EVL: variants seen among roughly 807,000 people sequenced by gnomAD.
EVL encodes ena/VASP-like protein.
In EVL, 21 loss-of-function variants were observed where a neutral mutation model predicts 59.6. The observed-to-expected ratio is 0.35, with a 90% CI of 0.25 to 0.51. The LOEUF (loss-of-function observed/expected upper bound fraction) is 0.51, where lower values mean the gene tolerates loss of function less well. Among genes scored for constraint, EVL ranks in the 20% least tolerant of loss-of-function variants. EVL has a pLI of 0.97. For missense variants in EVL, 462 were observed against 546.6 expected (o/e 0.85, Z 1.54); for synonymous variants, 198 against 203.5 (o/e 0.97, Z 0.23).
chr14:100,024,950 A>AAGCAGTCCTACC (rs1450760173), intron 1 of EVL, among the ~76,000 whole-genome samples: 1 of 151,930 alleles, frequency 6.6e-6, no homozygotes, highest in Non-Finnish European at 1.5e-5. Context: ...CTCATCCATC[A>AAGCAGTCCTACC]AGCAGTCCTA....
rs573857178 is a variant in EVL, at chr14:99,979,248, C to A, written c.5+7191C>A. Among the ~76,000 whole-genome samples the A allele has an allele frequency of 1.4e-3, 215 of 151,674 alleles. 1 individual carries two copies. The highest frequency in any genetic ancestry group is 7.6e-3 in the East Asian group (39 of 5,152). On this transcript the variant is annotated intron_variant, in intron 1 of 13. Transcript: ENST00000402714. ...GCAGTTGCTAAAAAAAAAACAACAA[C>A]AAAAAAACCCACCCACATATACACA...
At chr14:100,084,928 T>C (rs1434210040) in intron 2 of EVL, 73 bp downstream of exon 2, 26 of 1,523,716 alleles carry the variant, frequency 1.7e-5, no homozygotes, top group Non-Finnish European at 2.3e-5. Context: ...CTTACACACA[T>C]GTATCATTAA....
rs546642686 is a variant in EVL, at chr14:100,109,698, C to T, written c.358+12040C>T. On this transcript the variant is annotated intron_variant, in intron 3 of 13. Transcript: ENST00000392920. This position sits in a 1 kb window ranked among gnomAD's most constrained non-coding sequence, Gnocchi z 4.3. ...AGGGGTGCTATCTGTGATTGAGGGA[C>T]ATGGTTAATGGAATTGTCTCACACA... The T allele has an allele frequency of 1.9e-6, 1 of 532,666 alleles. No homozygotes were observed. The highest frequency in any genetic ancestry group is 5.4e-5 in the East Asian group (1 of 18,354). 33.0% of individuals were successfully genotyped at this position (532,666 alleles called of 1,614,324 possible). A position where few individuals can be genotyped will look rare whatever the true frequency, so the allele number is the denominator to read the frequency against.
intron 1 of EVL, among the ~76,000 whole-genome samples, chr14:99,982,609 A>AATGG (rs1362913601): frequency 6.6e-6 from 1 of 152,024 alleles, no homozygotes; most frequent in Admixed American, 6.6e-5. Flanking sequence ...TGTACTTTGA[A>AATGG]ATGGTGTAGT....
In EVL at chr14:100,104,387, G is replaced by C. The variant is rs540010292; in HGVS notation, c.358+6729G>C. ...ATTGTTGATCAGATCTCTGGCTTTA[G>C]CTTCTCCTTTTCTCATATTGGATTA... On this transcript the variant is annotated intron_variant, in intron 3 of 13. Transcript: ENST00000392920. Among the ~76,000 whole-genome samples, 3 of 152,288 alleles carry C rather than the reference G, an allele frequency of 2.0e-5. No individual in the cohort carries two copies. The South Asian group carries it at 6.2e-4, about 32-fold the overall frequency.
chr14:100,078,724 G>A (rs2062222553), intron 1 of EVL, among the ~76,000 whole-genome samples: 1 of 152,118 alleles, frequency 6.6e-6, no homozygotes, highest in Non-Finnish European at 1.5e-5. Flanking sequence ...TGTGGTGAAA[G>A]ATAAAGGAGT....
At chr14:100,000,039 C>A (rs2060936068) in intron 1 of EVL, among the ~76,000 whole-genome samples, 1 of 152,156 alleles carries the variant, frequency 6.6e-6, no homozygotes, top group Non-Finnish European at 1.5e-5. Context: ...TACAGCTAGT[C>A]CACCAGTATT....
chr14:99,997,345 T>A (rs1187160884), intron 1 of EVL, among the ~76,000 whole-genome samples: 2 of 152,270 alleles, frequency 1.3e-5, no homozygotes, highest in African/African-American at 2.4e-5. Flanking sequence ...CTTGCTCAGT[T>A]GTTCTTGCCT....
At chr14:100,015,376 T>C (rs1470302283) in intron 1 of EVL, among the ~76,000 whole-genome samples, 1 of 152,212 alleles carries the variant, frequency 6.6e-6, no homozygotes, top group Non-Finnish European at 1.5e-5. Context: ...GGCCATTTCC[T>C]GTTCATGTTT....
intron 3 of EVL, among the ~76,000 whole-genome samples, chr14:100,115,815 A>G (rs1232716995): frequency 6.6e-6 from 1 of 152,260 alleles, no homozygotes; most frequent in East Asian, 1.9e-4. Context: ...TAAGCTGTCT[A>G]AGCTCGTGTT....
At chr14:100,107,472 G>A in intron 3 of EVL, 1 of 395,934 alleles carries the variant, frequency 2.5e-6, no homozygotes, top group East Asian at 3.6e-5. Flanking sequence ...TGAGGGGGAG[G>A]ATGTGTGCAG....
Position 100,141,747 on chromosome 14 carries a change from G to A in EVL, c.1173G>A (p.Glu391=), listed in dbSNP as rs1443556512. ...TCCTCTCCCAACAGGAGATCCTAGAGGAGGTGGTGAGAGAGCTCCACAAGG... is the reference window on the plus strand; with the variant it reads ...TCCTCTCCCAACAGGAGATCCTAGAAGAGGTGGTGAGAGAGCTCCACAAGG... ...DLDRMKQEIL[E]EVVRELHKVK... is the part of the protein sequence containing the mutation. Residue 391 remains glutamate, a synonymous_variant, in exon 13 of 14, where the codon GAG becomes GAA. Transcript: ENST00000392920. The A allele has an allele frequency of 1.2e-6, 2 of 1,613,446 alleles. No individual in the cohort carries two copies. Among genetic ancestry groups the A allele is most frequent in the Non-Finnish European group, 1.7e-6 (2 of 1,179,940 alleles).
upstream of EVL, among the ~76,000 whole-genome samples, chr14:100,061,403 CAAAAAAAAA>C (rs56656380): frequency 7.9e-4 from 15 of 19,096 alleles, no homozygotes; most frequent in South Asian, 0.012. Context: ...GACCCTGTCT[CAAAAAAAAA>C]AAAAAAAAAA....
intron 1 of EVL, among the ~76,000 whole-genome samples, chr14:100,080,139 C>T (rs1470275814): frequency 1.3e-5 from 2 of 151,686 alleles, no homozygotes; most frequent in African/African-American, 2.4e-5. Context: ...CAGGGGTGTC[C>T]GATCTTTTGG....
chr14:100,098,111 C>T (rs1452180091), intron 3 of EVL, among the ~76,000 whole-genome samples: 1 of 152,208 alleles, frequency 6.6e-6, no homozygotes, highest in Non-Finnish European at 1.5e-5. Context: ...GCCTTCCCCT[C>T]AAGGCATTTA....
intron 1 of EVL, among the ~76,000 whole-genome samples, chr14:99,981,792 T>A (rs1366403627): frequency 6.6e-6 from 1 of 152,174 alleles, no homozygotes; most frequent in African/African-American, 2.4e-5. Context: ...GAGCATAGGG[T>A]ATTGGAAAAA....
intron 4 of EVL, among the ~76,000 whole-genome samples, chr14:100,124,550 G>A (rs1364856651): frequency 6.6e-6 from 1 of 152,182 alleles, no homozygotes; most frequent in Non-Finnish European, 1.5e-5. Context: ...TTGTCCCCAT[G>A]AGCCAGCTGA....
chr14:100,117,924 T>G (rs1222465001), intron 3 of EVL, among the ~76,000 whole-genome samples: 1 of 152,230 alleles, frequency 6.6e-6, no homozygotes, highest in Non-Finnish European at 1.5e-5. Flanking sequence ...TGGCTGGAGA[T>G]GCTCAGTTTG....
At chr14:100,072,677 A>T (rs1318009990) in intron 1 of EVL, among the ~76,000 whole-genome samples, 2 of 152,226 alleles carry the variant, frequency 1.3e-5, no homozygotes, top group African/African-American at 4.8e-5. Flanking sequence ...CTGACTTTCA[A>T]ATGGCTCAGG....
Sources: gnomAD v4.1 joint callset for allele counts (sites outside exome capture counted in the v4.1 genomes callset) on GRCh38, gnomAD v4.1.1 for gene constraint, Gnocchi (gnomAD v3.1) non-coding constraint, MANE v1.5 for transcripts, NCBI Gene and HGNC (gene_info 2026-07-23, HGNC 2026-07-21) for gene names.